PCNX2: variants seen among roughly 807,000 people sequenced by gnomAD.
PCNX2 encodes the protein pecanex-like protein 2.
PCNX2 carries 168 observed loss-of-function variants against 223.8 expected under a neutral mutation model. The observed-to-expected ratio is 0.75, with a 90% confidence interval of 0.66 to 0.85. The LOEUF is 0.85. PCNX2 is among the 40% of genes least tolerant of loss of function. PCNX2 has a pLI of 0.00. For synonymous variants in PCNX2, 1,006 were observed against 1,052.6 expected (o/e 0.96, Z 0.86); for missense variants, 2,507 against 2,675.5 (o/e 0.94, Z 1.39).
intron 21 of PCNX2, among the ~76,000 whole-genome samples, chr1:233,100,081 T>G (rs564811536): frequency 6.6e-6 from 1 of 152,154 alleles, no homozygotes; most frequent in South Asian, 2.1e-4. Flanking sequence ...ATCATTTGGG[T>G]TTTTTTCCAC....
chr1:233,110,837 TTTATA>T (rs1334353224), intron 21 of PCNX2, among the ~76,000 whole-genome samples: 1 of 150,276 alleles, frequency 6.7e-6, no homozygotes, highest in Non-Finnish European at 1.5e-5. Flanking sequence ...TATATTTAAA[TTTATA>T]TTATTTAAAT....
the PCNX2 span, among the ~76,000 whole-genome samples, chr1:233,320,219 G>GAATTATGCATAATTATTATGCAAT: frequency 1.3e-5 from 2 of 151,998 alleles, no homozygotes; most frequent in Non-Finnish European, 2.9e-5. Flanking sequence ...TTCTCCAATG[G>GAATTATGCATAATTATTATGCAAT]AATTATGCAT....
intron 14 of PCNX2, among the ~76,000 whole-genome samples, chr1:233,199,295 A>G (rs945697292): frequency 2.0e-5 from 3 of 152,178 alleles, no homozygotes; most frequent in Non-Finnish European, 4.4e-5. Context: ...GTCAGAATGA[A>G]GGTAGGGAGA....
Position 233,153,402 on chromosome 1 carries a change from T to C in PCNX2, c.3517+6881A>G, listed in dbSNP as rs1677935981. On this transcript the variant is annotated intron_variant, in intron 19 of 33. Transcript: ENST00000258229. ...GTGTGGAAAGTTGGAATGAGAAATATACTACATAGCTATTGGAATGGTGAG... is the reference window on the plus strand; with the variant it reads ...GTGTGGAAAGTTGGAATGAGAAATACACTACATAGCTATTGGAATGGTGAG... Among the ~76,000 whole-genome samples the C allele has an allele frequency of 3.3e-5, 5 of 152,172 alleles. No individual in the cohort carries two copies. In the East Asian group the frequency reaches 7.7e-4, roughly 23 times the overall value.
intron 23 of PCNX2, among the ~76,000 whole-genome samples, chr1:233,080,051 A>G (rs576466974): frequency 2.0e-5 from 3 of 152,292 alleles, no homozygotes; most frequent in African/African-American, 7.2e-5. Flanking sequence ...AAGTCTTCCC[A>G]GAGTGAAATG....
Position 233,258,132 on chromosome 1 carries a change from AG to A in PCNX2, c.1729del (p.Leu577TrpfsTer7), listed in dbSNP as rs1340469982. ...GGATTCTAACAGGGAGACAAATTCC[AG>A]GAAGTTGGACTCATTTGGCATTTGT... ...EGQMPNESNF[L>X]EFVSLLESIN... On this transcript the variant is annotated frameshift_variant, in exon 5 of 34. Coordinates refer to ENST00000258229, the MANE Select transcript of PCNX2 (RefSeq NM_014801.4). LOFTEE classifies it high-confidence loss of function. 1 of 1,614,018 alleles carries A rather than the reference AG, an allele frequency of 6.2e-7. No individual in the cohort carries two copies. The highest frequency in any genetic ancestry group is 1.1e-5 in the South Asian group (1 of 91,090).
chr1:233,208,596 G>A lies in PCNX2; in HGVS notation c.2785C>T (p.His929Tyr), dbSNP rs1339597316. ...CCATACACAACGTAACTGGGAGGGT[G>A]CCTGGCTTTGGCCCCTGTATCAAGA... ...LLLDTGAKARHPPSYVVYGLK... is the reference protein window; with the variant it reads ...LLLDTGAKARYPPSYVVYGLK... The change falls in exon 13 of 34, where the codon CAC becomes TAC. Residue 929 changes from histidine (H) to tyrosine (Y), a missense_variant. Physicochemically the swap from His to Tyr is moderately conservative, Grantham distance 83. This residue lies in a region of PCNX2 where 104 missense variants were observed against 144.4 expected (regional missense o/e 0.72). Coordinates refer to ENST00000258229, the MANE Select transcript of PCNX2 (RefSeq NM_014801.4). 3.7e-6 allele frequency: 6 copies of A among 1,613,700 alleles called. No individual in the cohort carries two copies. Among genetic ancestry groups the A allele is most frequent in the Non-Finnish European group, 5.1e-6 (6 of 1,179,864 alleles).
At chr1:233,207,747 C>T (rs79670733) in intron 13 of PCNX2, among the ~76,000 whole-genome samples, 10,329 of 152,166 alleles carry the variant, frequency 0.068, 610 homozygotes, top group East Asian at 0.32. Flanking sequence ...GGCTCAAAAC[C>T]ATACAGTATG....
intron 19 of PCNX2, among the ~76,000 whole-genome samples, chr1:233,151,105 T>G (rs966275637): frequency 6.6e-6 from 1 of 152,182 alleles, no homozygotes; most frequent in Non-Finnish European, 1.5e-5. Flanking sequence ...GAACAGTGTC[T>G]AGGACATAGC....
upstream of PCNX2, among the ~76,000 whole-genome samples, chr1:233,300,244 A>G (rs1428984560): frequency 3.9e-5 from 6 of 152,262 alleles, no homozygotes; most frequent in Admixed American, 3.9e-4. Context: ...AGATTGCTCA[A>G]TAACGTTTCA....
At chr1:233,067,076 A>T (rs572171976) in intron 23 of PCNX2, among the ~76,000 whole-genome samples, 10 of 152,004 alleles carry the variant, frequency 6.6e-5, no homozygotes, top group African/African-American at 2.4e-4. Flanking sequence ...CAAAGCAGCA[A>T]CCCCTTTTCT....
intron 32 of PCNX2, among the ~76,000 whole-genome samples, chr1:232,987,966 G>C (rs1403483957): frequency 6.6e-6 from 1 of 152,236 alleles, no homozygotes; most frequent in Non-Finnish European, 1.5e-5. Context: ...TGCCCTCCCT[G>C]GGATGAGTGT....
chr1:233,204,944 A>C (rs577075346), intron 13 of PCNX2, among the ~76,000 whole-genome samples: 8 of 152,386 alleles, frequency 5.2e-5, no homozygotes, highest in Non-Finnish European at 8.8e-5. Context: ...TGATTTAAAA[A>C]TAAAATAAAA....
intron 3 of PCNX2, 83 bp from the exon 4 acceptor site, chr1:233,261,404 T>C: frequency 7.9e-7 from 1 of 1,267,996 alleles, no homozygotes; most frequent in South Asian, 1.2e-5. Flanking sequence ...CTGACAGCAG[T>C]CACTGATTTT....
At position 233,198,991 on chromosome 1, in the gene PCNX2, C is replaced by T. The variant is rs199838197; in HGVS notation, c.3014G>A (p.Arg1005Gln). 318 of 1,605,388 alleles carry T rather than the reference C, an allele frequency of 2.0e-4. 1 individual carries two copies. In the East Asian group the frequency reaches 6.4e-3, roughly 32 times the overall value. The change falls in exon 15 of 34, where the codon CGG becomes CAG. Residue 1005 changes from arginine (R) to glutamine (Q), a missense_variant. Arg to Gln is a conservative substitution (Grantham distance 43). This residue lies in a region of PCNX2 where 1,372 missense variants were observed against 1,509.4 expected (regional missense o/e 0.91). Coordinates refer to ENST00000258229, the MANE Select transcript of PCNX2 (RefSeq NM_014801.4). ...GITSAVYSVA[R>Q]SVLAAALLHA... Reference sequence around the variant, plus strand: ...GAGCAGGGCGGCAGCCAAGACGCTCCGGGCCACACTGTAAACAGCCGAGGT... The same window carrying T: ...GAGCAGGGCGGCAGCCAAGACGCTCTGGGCCACACTGTAAACAGCCGAGGT...
the PCNX2 span, among the ~76,000 whole-genome samples, chr1:233,309,226 C>T: frequency 1.3e-5 from 2 of 152,148 alleles, no homozygotes; most frequent in Non-Finnish European, 2.9e-5. Context: ...AAGAAAAGAG[C>T]ACCAACATTT....
At position 233,001,013 on chromosome 1, in the gene PCNX2, A is replaced by G. The variant is rs1161354605; in HGVS notation, c.5098-478T>C. ...ATTTTTAAAGGCCATTTTTTCCCCT[A>G]AAGTTTCAGGCTGATCCTTTTTCTT... On this transcript the variant is annotated intron_variant, in intron 29 of 33. Transcript: ENST00000258229. The surrounding 1 kb of genome is among the most constrained non-coding windows in gnomAD (Gnocchi z 4.2). Among the ~76,000 whole-genome samples, 3 of 152,096 alleles carry G rather than the reference A, an allele frequency of 2.0e-5. No homozygotes were observed. The highest frequency in any genetic ancestry group is 4.4e-5 in the Non-Finnish European group (3 of 68,008).
intron 10 of PCNX2, among the ~76,000 whole-genome samples, chr1:233,224,819 T>C (rs1336634631): frequency 6.6e-6 from 1 of 151,920 alleles, no homozygotes; most frequent in Non-Finnish European, 1.5e-5. Context: ...AAAAGTGACG[T>C]TGCCTCATTC....
intron 1 of PCNX2, among the ~76,000 whole-genome samples, chr1:233,290,024 G>T (rs1377081302): frequency 6.6e-6 from 1 of 152,082 alleles, no homozygotes; most frequent in African/African-American, 2.4e-5. Flanking sequence ...TGAAGCCTGG[G>T]GGGCGGGGGG....
Sources: allele counts gnomAD v4.1 joint callset (sites outside exome capture counted in the v4.1 genomes callset), GRCh38; gene constraint gnomAD v4.1.1; regional missense constraint gnomAD v4.1.1; non-coding constraint Gnocchi (gnomAD v3.1); transcripts MANE v1.5; gene names NCBI Gene and HGNC (gene_info 2026-07-23, HGNC 2026-07-21).